FOXK1: variants seen among roughly 807,000 people sequenced by gnomAD.
FOXK1 encodes forkhead box protein K1.
A neutral mutation model predicts 51.9 loss-of-function variants in FOXK1; 19 were observed. The ratio of observed to expected loss-of-function variants is 0.37; its 90% CI spans 0.26 to 0.54. The LOEUF (loss-of-function observed/expected upper bound fraction) is 0.54. Ranked by LOEUF, FOXK1 falls within the 20% of genes least tolerant of loss-of-function variation. The pLI, the probability that FOXK1 is intolerant of heterozygous loss-of-function variation, is 0.87. For missense variants in FOXK1, 870 were observed against 1,032.7 expected (o/e 0.84, Z 2.16); for synonymous variants, 537 against 482.6 (o/e 1.11, Z -1.48).
intron 1 of FOXK1, among the ~76,000 whole-genome samples, chr7:4,689,290 T>C (rs1195634774): frequency 6.6e-6 from 1 of 152,138 alleles, no homozygotes; most frequent in African/African-American, 2.4e-5. Context: ...CGGTACTTTT[T>C]TGTGGTTCAT....
intron 1 of FOXK1, among the ~76,000 whole-genome samples, chr7:4,736,293 C>G (rs144590577): frequency 1.7e-3 from 256 of 152,242 alleles, no homozygotes; most frequent in African/African-American, 5.9e-3. Context: ...GCTACTATTA[C>G]AGTAGGAAAT....
chr7:4,705,517 T>TCTCTC (rs1780072758), intron 1 of FOXK1, among the ~76,000 whole-genome samples: 8 of 111,570 alleles, frequency 7.2e-5, no homozygotes, highest in African/African-American at 2.1e-4. Flanking sequence ...TTCCTTCTCT[T>TCTCTC]TCTCTCTCTC....
chr7:4,742,031 CT>C (rs1780640528), intron 2 of FOXK1, among the ~76,000 whole-genome samples: 1 of 152,264 alleles, frequency 6.6e-6, no homozygotes, highest in South Asian at 2.1e-4. Context: ...GCTGGCTTTT[CT>C]CTCCCAACCG....
intron 2 of FOXK1, among the ~76,000 whole-genome samples, chr7:4,746,050 T>G (rs1780698453): frequency 6.6e-6 from 1 of 152,032 alleles, no homozygotes. Context: ...TTGCACAGAG[T>G]GACTGTTTTT....
intron 1 of FOXK1, among the ~76,000 whole-genome samples, chr7:4,712,543 C>A (rs79186147): frequency 6.6e-6 from 1 of 152,056 alleles, no homozygotes; most frequent in South Asian, 2.1e-4. Context: ...CTGCCCCGCG[C>A]GCTTATTTGA....
rs541328600 is a variant in FOXK1, at chr7:4,746,537, A to C, written c.746+5514A>C. 5.1e-4 allele frequency among the ~76,000 whole-genome samples: 77 copies of C among 151,848 alleles called. 1 individual carries two copies. Among genetic ancestry groups the C allele is most frequent in the Non-Finnish European group, 7.5e-4 (51 of 67,972 alleles). On this transcript the variant is annotated intron_variant, in intron 2 of 8. Transcript: ENST00000328914. Reference sequence around the variant, plus strand: ...CTCTAAAAAAAAAAATTTTTTTGCTAATTAGCCAGGTGCAGTGGCTCATGT... The same window carrying C: ...CTCTAAAAAAAAAAATTTTTTTGCTCATTAGCCAGGTGCAGTGGCTCATGT...
intron 2 of FOXK1, among the ~76,000 whole-genome samples, chr7:4,742,589 T>C (rs1258195595): frequency 3.9e-5 from 6 of 151,936 alleles, no homozygotes; most frequent in Non-Finnish European, 7.4e-5. Context: ...CTTAATTTTC[T>C]TATCTTTTGT....
rs1780536600 is a variant in FOXK1, at chr7:4,735,173, G to A, written c.561-5665G>A. Among the ~76,000 whole-genome samples, 1 of 152,134 alleles carries A rather than the reference G, an allele frequency of 6.6e-6. No individual in the cohort carries two copies. Among genetic ancestry groups the A allele is most frequent in the African/African-American group, 2.4e-5 (1 of 41,424 alleles). ...GAGCGGTGGCCAGTTCCAGCTCGCT[G>A]TGTAGAGACGGCTCTGTGGTCTGAG... On this transcript the variant is annotated intron_variant, in intron 1 of 8. Coordinates refer to ENST00000328914, the MANE Select transcript of FOXK1 (RefSeq NM_001037165.2). This position sits in a 1 kb window ranked among gnomAD's most constrained non-coding sequence, Gnocchi z 4.7.
chr7:4,687,291 G>A (rs765001451), intron 1 of FOXK1, among the ~76,000 whole-genome samples: 27 of 149,878 alleles, frequency 1.8e-4, no homozygotes, highest in Admixed American at 9.4e-4. Context: ...GTTTGTTTTC[G>A]TTTTCGTTTT....
At chr7:4,688,022 A>T (rs948467796) in intron 1 of FOXK1, among the ~76,000 whole-genome samples, 1 of 152,150 alleles carries the variant, frequency 6.6e-6, no homozygotes, top group Non-Finnish European at 1.5e-5. Flanking sequence ...ATGAGCCACC[A>T]TGCCCAGCTG....
rs1456238780 is a variant in FOXK1 at position 4,762,318 on chromosome 7, A to G, written c.2056A>G (p.Thr686Ala). 1.9e-6 allele frequency: 3 copies of G among 1,550,492 alleles called. No homozygotes were observed. Among genetic ancestry groups the G allele is most frequent in the Non-Finnish European group, 2.6e-6 (3 of 1,146,810 alleles). ...GGCCACGGCCACCACCACCCCAGCC[A>G]CTGCCACCACCGCCTCTGCCTCCGC... ...VAATATTTPATATTASASASS... is the reference protein window; with the variant it reads ...VAATATTTPAAATTASASASS... Residue 686 changes from threonine to alanine, a missense_variant, in exon 9 of 9, where the codon ACT (threonine) becomes GCT (alanine). Around this residue, in one of 3 missense-constraint regions of FOXK1, gnomAD observed 457 missense variants for 510.8 expected, o/e 0.89. Coordinates refer to ENST00000328914, the MANE Select transcript of FOXK1 (RefSeq NM_001037165.2). This position sits in a 1 kb window ranked among gnomAD's most constrained non-coding sequence, Gnocchi z 5.7.
chr7:4,721,790 C>T (rs1239757838), intron 1 of FOXK1, among the ~76,000 whole-genome samples: 2 of 151,442 alleles, frequency 1.3e-5, no homozygotes, highest in Non-Finnish European at 2.9e-5. Context: ...AGAGTTTCAC[C>T]GTATTGACCA....
intron 1 of FOXK1, among the ~76,000 whole-genome samples, chr7:4,684,428 C>T (rs1779793488): frequency 2.0e-5 from 3 of 152,148 alleles, no homozygotes; most frequent in African/African-American, 4.8e-5. Context: ...AATGCAACAT[C>T]AACAATGACT....
intron 1 of FOXK1, among the ~76,000 whole-genome samples, chr7:4,705,554 T>TCTCTCTCTCTCTCTCGCTCTCTCG (rs895937029): frequency 7.6e-6 from 1 of 131,514 alleles, no homozygotes; most frequent in African/African-American, 3.2e-5. Flanking sequence ...TCTCTCTCTC[T>TCTCTCTCTCTCTCTCGCTCTCTCG]CTCTCGCTCT....
At chr7:4,717,404 G>C (rs1780249394) in intron 1 of FOXK1, among the ~76,000 whole-genome samples, 1 of 149,006 alleles carries the variant, frequency 6.7e-6, no homozygotes, top group Non-Finnish European at 1.5e-5. Flanking sequence ...GGTGGTAGCG[G>C]GAGGTGTGTG....
At position 4,715,735 on chromosome 7, in the gene FOXK1, G is replaced by C. The variant is rs1780225192; in HGVS notation, c.561-25103G>C. On this transcript the variant is annotated intron_variant, in intron 1 of 8. Coordinates refer to ENST00000328914, the MANE Select transcript of FOXK1 (RefSeq NM_001037165.2). This position sits in a 1 kb window ranked among gnomAD's most constrained non-coding sequence, Gnocchi z 4.5. ...CGTTAGATTGGTTGTCATTGGCCAA[G>C]CCAGCTCCGGGCACCCTGAGGTTCC... Among the ~76,000 whole-genome samples the C allele has an allele frequency of 6.6e-6, 1 of 152,178 alleles. No individual in the cohort carries two copies. The highest frequency in any genetic ancestry group is 2.4e-5 in the African/African-American group (1 of 41,428).
chr7:4,696,826 G>T (rs1345052547), intron 1 of FOXK1, among the ~76,000 whole-genome samples: 1 of 152,190 alleles, frequency 6.6e-6, no homozygotes, highest in Non-Finnish European at 1.5e-5. Flanking sequence ...CTAACACTTT[G>T]GGAGGCTGAG....
At chr7:4,704,525 T>TA (rs902027567) in intron 1 of FOXK1, among the ~76,000 whole-genome samples, 45 of 146,624 alleles carry the variant, frequency 3.1e-4, no homozygotes, top group East Asian at 5.9e-4. Flanking sequence ...TTTCAAAAAT[T>TA]AAAAAAAAAA....
At chr7:4,705,845 A>T (rs1474788859) in intron 1 of FOXK1, among the ~76,000 whole-genome samples, 2 of 148,578 alleles carry the variant, frequency 1.3e-5, no homozygotes, top group African/African-American at 2.5e-5. Flanking sequence ...TTCACGTGTC[A>T]TTTCTTTTTG....
Sources: allele counts gnomAD v4.1 joint callset (sites outside exome capture counted in the v4.1 genomes callset), GRCh38; gene constraint gnomAD v4.1.1; regional missense constraint gnomAD v4.1.1; non-coding constraint Gnocchi (gnomAD v3.1); transcripts MANE v1.5; gene names NCBI Gene and HGNC (gene_info 2026-07-23, HGNC 2026-07-21).